Variants in MTHFD1 observed in about 807,000 individuals in gnomAD.
MTHFD1 encodes the protein methylenetetrahydrofolate dehydrogenase, cyclohydrolase and formyltetrahydrofolate synthetase 1.
A neutral mutation model predicts 110.3 loss-of-function variants in MTHFD1; 44 were observed. The ratio of observed to expected loss-of-function variants is 0.40; its 90% CI spans 0.31 to 0.51. MTHFD1 has a LOEUF of 0.51. Among genes scored for constraint, MTHFD1 ranks in the 20% least tolerant of loss-of-function variants. The pLI is 0.60. For synonymous variants in MTHFD1, 402 were observed against 428.8 expected (o/e 0.94, Z 0.77); for missense variants, 909 against 1,173.1 (o/e 0.77, Z 3.29).
chr14:64,405,600 C>T (rs915867139), intron 2 of MTHFD1, among the ~76,000 whole-genome samples: 3 of 152,208 alleles, frequency 2.0e-5, no homozygotes, highest in African/African-American at 4.8e-5. Context: ...CTCCCTGCAT[C>T]CAGTTAGGGG....
intron 15 of MTHFD1, among the ~76,000 whole-genome samples, chr14:64,434,271 A>T (rs367972466): frequency 6.6e-6 from 1 of 152,112 alleles, no homozygotes; most frequent in Non-Finnish European, 1.5e-5. Context: ...CGTGTCTGTG[A>T]TAAGAACTGT....
At chr14:64,414,048 G>A (rs978673298) in intron 4 of MTHFD1, among the ~76,000 whole-genome samples, 1 of 152,094 alleles carries the variant, frequency 6.6e-6, no homozygotes, top group African/African-American at 2.4e-5. Context: ...AGGCTAGAGT[G>A]CAGTGGTGCA....
intron 1 of MTHFD1, chr14:64,388,679 T>C: frequency 1.6e-6 from 1 of 623,308 alleles, no homozygotes; most frequent in Non-Finnish European, 2.9e-6. Flanking sequence ...CTGGCTCCTG[T>C]GCTTCGGGGA....
chr14:64,430,010 T>C (rs1431924984), intron 12 of MTHFD1, among the ~76,000 whole-genome samples, 174 bp from the exon 13 acceptor site: 1 of 152,188 alleles, frequency 6.6e-6, no homozygotes, highest in Non-Finnish European at 1.5e-5. Context: ...TAAACTCAGA[T>C]TTCAATTGAG....
At position 64,444,698 on chromosome 14, in the gene MTHFD1, T is replaced by A; in HGVS notation, c.2142T>A (p.Thr714=). 1 of 1,614,162 alleles carries A rather than the reference T, an allele frequency of 6.2e-7. No individual in the cohort carries two copies. Among genetic ancestry groups the A allele is most frequent in the South Asian group, 1.1e-5 (1 of 91,088 alleles). Residue 714 remains threonine (T), a synonymous_variant, in exon 22 of 28, where the codon ACT becomes ACA. Transcript: ENST00000652337. Reference sequence around the variant, plus strand: ...TCTGTTTCTTTTCCTTCCAGGTCACTGCTGGACTGCCTCTTCCCAAGGCTT... The same window carrying A: ...TCTGTTTCTTTTCCTTCCAGGTCACAGCTGGACTGCCTCTTCCCAAGGCTT... ...LKMHGGGPTV[T]AGLPLPKAYI...
At chr14:64,445,064 G>T in intron 22 of MTHFD1, 1 of 379,812 alleles carries the variant, frequency 2.6e-6, no homozygotes. Flanking sequence ...AGTGCTACTG[G>T]AATCTAGTGG....
Position 64,415,365 on chromosome 14 carries a change from A to C in MTHFD1, c.248A>C (p.Lys83Thr), listed in dbSNP as rs1229310515. 14 of 1,607,212 alleles carry C rather than the reference A, an allele frequency of 8.7e-6. No homozygotes were observed. Among genetic ancestry groups the C allele is most frequent in the Non-Finnish European group, 1.2e-5 (14 of 1,173,720 alleles). The change falls in exon 5 of 28, where the codon AAG becomes ACG. Residue 83 changes from lysine to threonine, a missense_variant. By Grantham distance (78) the Lys-to-Thr change is moderately conservative. Around this residue, in one of 3 missense-constraint regions of MTHFD1, gnomAD observed 424 missense variants for 510.4 expected, o/e 0.83. Transcript: ENST00000652337. The part of the protein sequence containing the change: ...PRTTTESEVM[K>T]YITSLNEDST... Reference sequence around the variant, plus strand: ...ATATGGTATTACTTTTAGGTGATGAAGTACATTACATCTTTGAATGAAGAC... The same window carrying C: ...ATATGGTATTACTTTTAGGTGATGACGTACATTACATCTTTGAATGAAGAC...
intron 16 of MTHFD1, among the ~76,000 whole-genome samples, 166 bp from the exon 17 acceptor site, chr14:64,438,930 T>C (rs2078227030): frequency 6.6e-6 from 1 of 152,260 alleles, no homozygotes; most frequent in Non-Finnish European, 1.5e-5. Context: ...TTATGGTATA[T>C]GAACATCATT....
intron 21 of MTHFD1, among the ~76,000 whole-genome samples, chr14:64,443,533 A>G (rs1391831549): frequency 1.3e-5 from 2 of 152,170 alleles, no homozygotes; most frequent in Admixed American, 6.5e-5. Context: ...AATCTTATGG[A>G]AATAGTTTTG....
chr14:64,418,007 G>C lies in MTHFD1; in HGVS notation c.598G>C (p.Ala200Pro), dbSNP rs753039266. Residue 200 changes from alanine to proline, a missense_variant, in exon 7 of 28, where the codon GCC becomes CCC. This residue lies in a region of MTHFD1 where 424 missense variants were observed against 510.4 expected (regional missense o/e 0.83). Coordinates refer to ENST00000652337, the MANE Select transcript of MTHFD1 (RefSeq NM_005956.4). ...ATVTTCHSKT[A>P]HLDEEVNKGD... ...AGTGACCACCTGCCACTCCAAGACT[G>C]CCCATCTGGATGAGGAGGTAGGGTG... 2 of 1,614,128 alleles carry C rather than the reference G, an allele frequency of 1.2e-6. No homozygotes were observed. Among genetic ancestry groups the C allele is most frequent in the Non-Finnish European group, 1.7e-6 (2 of 1,180,012 alleles).
At chr14:64,405,366 G>C (rs1254506988) in intron 2 of MTHFD1, among the ~76,000 whole-genome samples, 3 of 152,014 alleles carry the variant, frequency 2.0e-5, no homozygotes, top group Non-Finnish European at 2.9e-5. Context: ...TCTACAGCTC[G>C]TCTCCTACGT....
At position 64,453,710 on chromosome 14, in the gene MTHFD1, CAT is replaced by C. The variant is rs112312605; in HGVS notation, c.2458-43_2458-42del. The C allele has an allele frequency of 4.4e-4, 511 of 1,174,390 alleles. 5 individuals carry two copies. The East Asian group carries it at 5.9e-3, about 14-fold the overall frequency. 72.7% of individuals were successfully genotyped at this position (1,174,390 alleles called of 1,614,324 possible). A position where few individuals can be genotyped will look rare whatever the true frequency, so the allele number is the denominator to read the frequency against. ...GCTATGTCCTGGTTAAATGTCCTCA[CAT>C]GTGTCCAGTCATGGTGTCCCCATCT... is the stretch of plus-strand genomic sequence containing the variant. On this transcript the variant is annotated intron_variant, in intron 24 of 27. Transcript: ENST00000652337.
chr14:64,433,345 C>T (rs1462125657), intron 15 of MTHFD1, among the ~76,000 whole-genome samples: 1 of 152,054 alleles, frequency 6.6e-6, no homozygotes, highest in Non-Finnish European at 1.5e-5. Context: ...TCTCGAACTC[C>T]TGACCTCAGG....
At position 64,454,840 on chromosome 14, in the gene MTHFD1, G is replaced by A. The variant is rs1279722571; in HGVS notation, c.2683G>A (p.Val895Ile). Residue 895 changes from valine to isoleucine, a missense_variant, in exon 26 of 28, where the codon GTT becomes ATT. This residue lies in a region of MTHFD1 where 482 missense variants were observed against 646.0 expected (regional missense o/e 0.75). Coordinates refer to ENST00000652337, the MANE Select transcript of MTHFD1 (RefSeq NM_005956.4). ...ILPIRDIRAS[V>I]GAGFLYPLVG... ...GCCCATTCGCGACATCCGCGCCAGC[G>A]TTGGGGCTGGTTTTCTGTACCCCTT... 2.5e-6 allele frequency: 4 copies of A among 1,614,196 alleles called. No homozygotes were observed. Among genetic ancestry groups the A allele is most frequent in the Non-Finnish European group, 3.4e-6 (4 of 1,180,026 alleles).
At chr14:64,422,988 A>G (rs1417150548) in intron 8 of MTHFD1, 1 of 152,190 alleles carries the variant, frequency 6.6e-6, no homozygotes, top group Non-Finnish European at 1.5e-5. Context: ...ACCTGTGGGA[A>G]AACGAAAATG....
chr14:64,435,572 C>T lies in MTHFD1; in HGVS notation c.1498C>T (p.Leu500=), dbSNP rs1049435070. 28 of 1,577,296 alleles carry T rather than the reference C, an allele frequency of 1.8e-5. No individual in the cohort carries two copies. Among genetic ancestry groups the T allele is most frequent in the Non-Finnish European group, 2.4e-5 (27 of 1,146,524 alleles). ...SDIQIRRLKR[L]GIEKTDPTTL... is the part of the protein sequence containing the mutation. The stretch of plus-strand genomic sequence containing the variant: ...TTTCATTTTCCTACACTTTCAGAGA[C>T]TAGGCATTGAAAAGACTGACCCTAC... Residue 500 remains leucine (L), a synonymous_variant, in exon 16 of 28, where the codon CTA becomes TTA. Coordinates refer to ENST00000652337, the MANE Select transcript of MTHFD1 (RefSeq NM_005956.4).
intron 22 of MTHFD1, 154 bp from the exon 23 acceptor site, chr14:64,448,063 A>C: frequency 1.5e-6 from 1 of 686,584 alleles, no homozygotes; most frequent in Non-Finnish European, 2.7e-6. Context: ...CGCACTGGAA[A>C]AAATGCACCA....
intron 21 of MTHFD1, among the ~76,000 whole-genome samples, chr14:64,444,419 G>C (rs2078274101): frequency 6.6e-6 from 1 of 151,878 alleles, no homozygotes; most frequent in South Asian, 2.1e-4. Context: ...CACCTGCTTG[G>C]TACACCCCTT....
intron 1 of MTHFD1, among the ~76,000 whole-genome samples, chr14:64,397,466 G>A (rs989889127): frequency 6.6e-6 from 1 of 151,632 alleles, no homozygotes; most frequent in Non-Finnish European, 1.5e-5. Context: ...CTGATTTTTC[G>A]TATTTTTTAG....
Sources: allele counts gnomAD v4.1 joint callset (sites outside exome capture counted in the v4.1 genomes callset), GRCh38; gene constraint gnomAD v4.1.1; regional missense constraint gnomAD v4.1.1; transcripts MANE v1.5; gene names NCBI Gene and HGNC (gene_info 2026-07-23, HGNC 2026-07-21).